The following TDRP variants were observed in gnomAD, a reference collection of about 807,000 sequenced individuals.
The protein encoded by TDRP is testis development-related protein.
A neutral mutation model predicts 10.5 loss-of-function variants in TDRP; 12 were observed. The observed-to-expected ratio is 1.15, with a 90% confidence interval of 0.73 to 1.86. The LOEUF (loss-of-function observed/expected upper bound fraction) is 1.86. Among genes scored for constraint, TDRP ranks in the 40% most tolerant of loss-of-function variants. The pLI is 0.00. For missense variants in TDRP, 353 were observed against 229.2 expected, an observed-to-expected ratio of 1.54 and a Z score of -3.49; for synonymous variants, 139 against 95.4, an observed-to-expected ratio of 1.46 and a Z score of -2.67.
chr8:510,644 T>C (rs74793463), intron 1 of TDRP, among the ~76,000 whole-genome samples: 4,841 of 152,234 alleles, frequency 0.032, 103 homozygotes, highest in Non-Finnish European at 0.044. Flanking sequence ...GCAAAGACCA[T>C]CTTTCAAAAA....
chr8:523,478 T>A (rs1047000239), intron 1 of TDRP, among the ~76,000 whole-genome samples: 1 of 152,150 alleles, frequency 6.6e-6, no homozygotes, highest in Admixed American at 6.5e-5. Flanking sequence ...CAGTAGGGTA[T>A]AGCAGCAGTC....
intron 1 of TDRP, among the ~76,000 whole-genome samples, chr8:526,598 G>C (rs1436438165): frequency 5.3e-5 from 8 of 152,030 alleles, no homozygotes; most frequent in African/African-American, 1.7e-4. Context: ...TGTAGAATTT[G>C]GTTTGCCAGT....
At chr8:514,335 G>A (rs950116370) in intron 1 of TDRP, among the ~76,000 whole-genome samples, 1 of 152,184 alleles carries the variant, frequency 6.6e-6, no homozygotes, top group African/African-American at 2.4e-5. Context: ...CAAGAAGAGT[G>A]CCAAGACAAT....
rs1800976543 is a variant in TDRP, at chr8:491,624, C to T, written c.*775G>A. 1 of 1,530,810 alleles carries T rather than the reference C, an allele frequency of 6.5e-7. No homozygotes were observed. Among genetic ancestry groups the T allele is most frequent in the Non-Finnish European group, 8.7e-7 (1 of 1,145,354 alleles). The allele number at this position is 1,530,810 out of a possible 1,614,324, so 94.8% of individuals were successfully genotyped here. On this transcript the variant is annotated 3_prime_UTR_variant, in exon 3 of 3. Coordinates refer to ENST00000324079, the MANE Select transcript of TDRP (RefSeq NM_001384899.1). ...TCTATAATGAGCAAGACAATGTTTCCTAAATGAAATTATCAACTGACTAAA... is the reference window on the plus strand; with the variant it reads ...TCTATAATGAGCAAGACAATGTTTCTTAAATGAAATTATCAACTGACTAAA...
At position 512,271 on chromosome 8, in the gene TDRP, AAC is replaced by A. The variant is rs201408417; in HGVS notation, c.109-17676_109-17675del. 3.0e-3 allele frequency among the ~76,000 whole-genome samples: 358 copies of A among 118,794 alleles called. 1 individual carries two copies. Among genetic ancestry groups the A allele is most frequent in the African/African-American group, 6.0e-3 (223 of 36,954 alleles). 77.9% of individuals were successfully genotyped at this position (118,794 alleles called of 152,430 possible). A position where few individuals can be genotyped will look rare whatever the true frequency, so the allele number is the denominator to read the frequency against. On this transcript the variant is annotated intron_variant, in intron 1 of 2. Coordinates refer to ENST00000324079, the MANE Select transcript of TDRP (RefSeq NM_001384899.1). ...ACCCCTTCTCTACAACAACAACAAC[AAC>A]AAAAAAAAAAATGACTGGGCATGGT...
intron 1 of TDRP, among the ~76,000 whole-genome samples, chr8:530,023 A>T (rs570132733): frequency 2.0e-5 from 3 of 151,910 alleles, no homozygotes; most frequent in Non-Finnish European, 4.4e-5. Flanking sequence ...GGTCCACTCA[A>T]TGGTGTGCCA....
intron 1 of TDRP, among the ~76,000 whole-genome samples, chr8:502,426 T>C (rs1389928858): frequency 6.6e-6 from 1 of 152,190 alleles, no homozygotes; most frequent in Non-Finnish European, 1.5e-5. Flanking sequence ...CTTCAGGGTG[T>C]GGTGGGGCTA....
At chr8:510,861 CA>C (rs1801597680) in intron 1 of TDRP, among the ~76,000 whole-genome samples, 1 of 152,096 alleles carries the variant, frequency 6.6e-6, no homozygotes, top group South Asian at 2.1e-4. Flanking sequence ...TATTTCTTCC[CA>C]GAACTAGTCT....
chr8:530,700 G>A (rs1023138751), intron 1 of TDRP, among the ~76,000 whole-genome samples: 2 of 152,094 alleles, frequency 1.3e-5, no homozygotes, highest in African/African-American at 2.4e-5. Flanking sequence ...ACAGGCTGTG[G>A]AGCTCTCGCT....
intron 1 of TDRP, among the ~76,000 whole-genome samples, chr8:541,837 C>T (rs112025765): frequency 3.9e-5 from 6 of 152,144 alleles, no homozygotes; most frequent in African/African-American, 1.2e-4. Flanking sequence ...CTTTGGAAGA[C>T]GGTTTGGCGG....
intron 1 of TDRP, among the ~76,000 whole-genome samples, chr8:524,754 C>A (rs1801993672): frequency 2.0e-5 from 3 of 151,978 alleles, no homozygotes. Flanking sequence ...TGAAAATACA[C>A]AGTCAGAGGA....
chr8:531,492 G>A (rs1287944382), intron 1 of TDRP, among the ~76,000 whole-genome samples: 1 of 152,190 alleles, frequency 6.6e-6, no homozygotes, highest in African/African-American at 2.4e-5. Flanking sequence ...GGGAATGTCA[G>A]AAGGAAACTG....
intron 1 of TDRP, among the ~76,000 whole-genome samples, chr8:498,017 G>A (rs112126141): frequency 5.3e-5 from 8 of 152,280 alleles, no homozygotes; most frequent in African/African-American, 1.9e-4. Flanking sequence ...GAAATGGCTG[G>A]ACATCCAAGC....
intron 1 of TDRP, among the ~76,000 whole-genome samples, chr8:528,956 T>C (rs1032517725): frequency 6.6e-6 from 1 of 151,928 alleles, no homozygotes; most frequent in African/African-American, 2.4e-5. Flanking sequence ...CCAGTCCGAG[T>C]CCCAAAACTG....
Position 544,765 on chromosome 8 carries a change from C to A in TDRP, c.-8G>T, listed in dbSNP as rs984916973. Reference sequence around the variant, plus strand: ...CCGGCCCAGCTTCCACATGGTCAGGCGGGCTCCGGCGTCCCTCCGTCCGTG... The same window carrying A: ...CCGGCCCAGCTTCCACATGGTCAGGAGGGCTCCGGCGTCCCTCCGTCCGTG... On this transcript the variant is annotated 5_prime_UTR_variant, in exon 1 of 3. Transcript: ENST00000324079. 16 of 1,233,254 alleles carry A rather than the reference C, an allele frequency of 1.3e-5. No homozygotes were observed. Among genetic ancestry groups the A allele is most frequent in the Non-Finnish European group, 1.6e-5 (16 of 986,574 alleles). The allele number at this position is 1,233,254 out of a possible 1,614,324, so 76.4% of individuals were successfully genotyped here.
chr8:531,767 C>T (rs17813452), intron 1 of TDRP, among the ~76,000 whole-genome samples: 22,775 of 152,140 alleles, frequency 0.15, 1,863 homozygotes, highest in East Asian at 0.24. Flanking sequence ...CATCTTCAGT[C>T]CACAAGCTTA....
intron 2 of TDRP, among the ~76,000 whole-genome samples, chr8:493,760 GT>G (rs146902384): frequency 1.3e-4 from 19 of 151,744 alleles, no homozygotes; most frequent in Admixed American, 2.0e-4. Flanking sequence ...TTTTAACAGT[GT>G]TTTTTTTGGT....
chr8:508,155 C>T (rs1362413627), intron 1 of TDRP, among the ~76,000 whole-genome samples: 3 of 151,918 alleles, frequency 2.0e-5, no homozygotes, highest in African/African-American at 7.3e-5. Flanking sequence ...AGAGAGAATG[C>T]CAGTAAAGAG....
At chr8:506,993 A>C (rs1274222380) in intron 1 of TDRP, among the ~76,000 whole-genome samples, 1 of 152,084 alleles carries the variant, frequency 6.6e-6, no homozygotes, top group African/African-American at 2.4e-5. Flanking sequence ...GGTTTAATTG[A>C]CTCACAGTTC....
Sources: allele counts gnomAD v4.1 joint callset (sites outside exome capture counted in the v4.1 genomes callset), GRCh38; gene constraint gnomAD v4.1.1; transcripts MANE v1.5; gene names NCBI Gene and HGNC (gene_info 2026-07-23, HGNC 2026-07-21).